The following SCARA3 variants were observed in gnomAD, a reference collection of about 807,000 sequenced individuals.
The protein encoded by SCARA3 is cellular stress response gene protein.
SCARA3 carries 39 observed loss-of-function variants against 47.0 expected under a neutral mutation model. The observed-to-expected ratio is 0.83, with a 90% CI of 0.64 to 1.08. The LOEUF is 1.08. Ranked by LOEUF, SCARA3 falls within the 50% of genes least tolerant of loss-of-function variation. The pLI is 0.00. For synonymous variants in SCARA3, 356 were observed against 334.1 expected (o/e 1.07, Z -0.71); for missense variants, 724 against 792.3 (o/e 0.91, Z 1.04).
At chr8:27,716,434 A>G in the SCARA3 span, among the ~76,000 whole-genome samples, 1 of 152,108 alleles carries the variant, frequency 6.6e-6, no homozygotes, top group Non-Finnish European at 1.5e-5. Flanking sequence ...ACCAGAAAGT[A>G]AGGAAATGCT....
intron 1 of SCARA3, among the ~76,000 whole-genome samples, chr8:27,641,634 G>A (rs1007787369): frequency 4.6e-5 from 7 of 152,212 alleles, no homozygotes; most frequent in African/African-American, 1.7e-4. Flanking sequence ...ACTGGGCTGG[G>A]CTTGGAGGTC....
intron 1 of SCARA3, among the ~76,000 whole-genome samples, chr8:27,640,619 A>G (rs1801361553): frequency 6.6e-6 from 1 of 151,660 alleles, no homozygotes; most frequent in Non-Finnish European, 1.5e-5. Context: ...ACCTCAAGCA[A>G]TCCTCCCTCC....
chr8:27,663,241 G>A (rs932598254), intron 5 of SCARA3, among the ~76,000 whole-genome samples: 2 of 152,212 alleles, frequency 1.3e-5, no homozygotes, highest in Admixed American at 6.5e-5. Context: ...CTCAGGAAGG[G>A]GCTGCAGGAC....
intron 1 of SCARA3, among the ~76,000 whole-genome samples, chr8:27,648,639 G>A (rs1801562170): frequency 6.6e-6 from 1 of 151,944 alleles, no homozygotes; most frequent in Non-Finnish European, 1.5e-5. Flanking sequence ...AAAACTTGAA[G>A]CTTCTACTTC....
intron 1 of SCARA3, among the ~76,000 whole-genome samples, chr8:27,643,429 G>T (rs746821629): frequency 6.6e-6 from 1 of 152,146 alleles, no homozygotes; most frequent in African/African-American, 2.4e-5. Flanking sequence ...GCAGAGCCAC[G>T]GAAGCAGAAA....
chr8:27,700,838 C>A, the SCARA3 span, among the ~76,000 whole-genome samples: 1 of 152,172 alleles, frequency 6.6e-6, no homozygotes, highest in Non-Finnish European at 1.5e-5. Context: ...AATGGTGAAA[C>A]TGTGAAGTGG....
chr8:27,637,535 T>C (rs1801280274), intron 1 of SCARA3, among the ~76,000 whole-genome samples: 1 of 152,050 alleles, frequency 6.6e-6, no homozygotes, highest in African/African-American at 2.4e-5. Flanking sequence ...TCCTGGGTGG[T>C]CCCTGAGGCC....
the SCARA3 span, among the ~76,000 whole-genome samples, chr8:27,690,648 A>G: frequency 6.6e-6 from 1 of 152,028 alleles, no homozygotes; most frequent in East Asian, 1.9e-4. Context: ...TTAAAAAGCA[A>G]TGTGCAAAAG....
the SCARA3 span, among the ~76,000 whole-genome samples, chr8:27,708,727 T>C: frequency 1.3e-5 from 2 of 152,164 alleles, no homozygotes; most frequent in Non-Finnish European, 2.9e-5. Flanking sequence ...GGGGTACATG[T>C]GGAGGTTTGT....
At chr8:27,688,499 C>A in the SCARA3 span, among the ~76,000 whole-genome samples, 6 of 151,798 alleles carry the variant, frequency 4.0e-5, no homozygotes, top group African/African-American at 1.5e-4. Flanking sequence ...AGTTCAAGAC[C>A]AGCCTGGGCA....
chr8:27,677,346 C>CA (rs1381466102), downstream of SCARA3, among the ~76,000 whole-genome samples: 1 of 152,150 alleles, frequency 6.6e-6, no homozygotes, highest in Non-Finnish European at 1.5e-5. Context: ...GGGTACTGAG[C>CA]AGGAGGGAGC....
At chr8:27,665,919 G>A (rs952761820) in intron 5 of SCARA3, among the ~76,000 whole-genome samples, 3 of 152,166 alleles carry the variant, frequency 2.0e-5, no homozygotes, top group Non-Finnish European at 2.9e-5. Flanking sequence ...ATGTTTGCTC[G>A]GTGAATAAAT....
chr8:27,637,796 C>T (rs906783768), intron 1 of SCARA3, among the ~76,000 whole-genome samples: 10 of 151,984 alleles, frequency 6.6e-5, no homozygotes, highest in South Asian at 2.1e-4. Context: ...GAAAACACAG[C>T]GATGCAATCC....
intron 1 of SCARA3, among the ~76,000 whole-genome samples, chr8:27,646,979 C>CCA (rs1801515094): frequency 8.8e-6 from 1 of 113,946 alleles, no homozygotes; most frequent in African/African-American, 3.3e-5. Flanking sequence ...CCCGCCCCCC[C>CCA]CCCGCACACA....
At chr8:27,646,038 G>A (rs1209740794) in intron 1 of SCARA3, among the ~76,000 whole-genome samples, 1 of 152,190 alleles carries the variant, frequency 6.6e-6, no homozygotes, top group Non-Finnish European at 1.5e-5. Context: ...AGGCTACAGT[G>A]GTGAGTTACT....
the SCARA3 span, among the ~76,000 whole-genome samples, chr8:27,731,438 A>T: frequency 6.6e-6 from 1 of 151,878 alleles, no homozygotes; most frequent in Non-Finnish European, 1.5e-5. Flanking sequence ...ACCTGAGGTC[A>T]GGAGTTCGAG....
At chr8:27,678,852 G>C (rs77415289), downstream of SCARA3, among the ~76,000 whole-genome samples, 928 of 152,254 alleles carry the variant, frequency 6.1e-3, 22 homozygotes, top group African/African-American at 0.021. Flanking sequence ...AATATAAGTG[G>C]GGTTTATCTC....
intron 1 of SCARA3, among the ~76,000 whole-genome samples, chr8:27,638,763 T>A (rs1187441956): frequency 6.6e-6 from 1 of 152,124 alleles, no homozygotes; most frequent in African/African-American, 2.4e-5. Context: ...CTAGGACACA[T>A]AGGATTTGTG....
At chr8:27,639,970 G>A (rs138357304) in intron 1 of SCARA3, among the ~76,000 whole-genome samples, 54 of 152,176 alleles carry the variant, frequency 3.5e-4, no homozygotes, top group Admixed American at 1.6e-3. Flanking sequence ...TGTGTCCTTA[G>A]AGTGGGAGGC....
Sources: allele counts gnomAD v4.1 joint callset (sites outside exome capture counted in the v4.1 genomes callset), GRCh38; gene constraint gnomAD v4.1.1; transcripts MANE v1.5; gene names NCBI Gene and HGNC (gene_info 2026-07-23, HGNC 2026-07-21).